The following DCC variants were observed in gnomAD, a reference collection of about 807,000 sequenced individuals.
DCC encodes netrin receptor DCC.
In DCC, 58 loss-of-function variants were observed where a neutral mutation model predicts 172.5. The observed-to-expected ratio is 0.34, with a 90% CI of 0.27 to 0.42. The LOEUF (loss-of-function observed/expected upper bound fraction) is 0.42, where lower values mean the gene tolerates loss of function less well. Ranked by LOEUF, DCC falls within the 10% of genes least tolerant of loss-of-function variation. The pLI, the probability that DCC is intolerant of heterozygous loss-of-function variation, is 1.00. For missense variants in DCC, 1,740 were observed against 1,791.0 expected, an observed-to-expected ratio of 0.97 and a Z score of 0.51; for synonymous variants, 709 against 644.5, an observed-to-expected ratio of 1.10 and a Z score of -1.52.
chr18:53,356,452 T>C (rs962862839), intron 15 of DCC, among the ~76,000 whole-genome samples: 1 of 152,218 alleles, frequency 6.6e-6, no homozygotes, highest in African/African-American at 2.4e-5. Flanking sequence ...TAACATGCAG[T>C]TATGTTACTT....
chr18:53,528,796 T>C (rs549585602), intron 28 of DCC, among the ~76,000 whole-genome samples: 1 of 152,198 alleles, frequency 6.6e-6, no homozygotes, highest in South Asian at 2.1e-4. Flanking sequence ...TGTATTTTAC[T>C]TTTTTTGTAC....
At chr18:52,917,785 C>A (rs2040063133) in intron 3 of DCC, among the ~76,000 whole-genome samples, 1 of 152,082 alleles carries the variant, frequency 6.6e-6, no homozygotes, top group Non-Finnish European at 1.5e-5. Context: ...ACAAACAGAC[C>A]AGTTCAAAGA....
At chr18:53,274,965 T>C (rs2056789293) in intron 12 of DCC, among the ~76,000 whole-genome samples, 1 of 152,182 alleles carries the variant, frequency 6.6e-6, no homozygotes, top group Non-Finnish European at 1.5e-5. Flanking sequence ...AGGGCATATG[T>C]ATTTGTTTCA....
At chr18:52,884,461 A>T (rs578157255) in intron 2 of DCC, among the ~76,000 whole-genome samples, 29 of 151,870 alleles carry the variant, frequency 1.9e-4, no homozygotes, top group African/African-American at 6.8e-4. Flanking sequence ...CTTCTGCTCA[A>T]TCAGTTTTGC....
At chr18:52,788,151 A>G (rs1191757243) in intron 2 of DCC, among the ~76,000 whole-genome samples, 2 of 152,172 alleles carry the variant, frequency 1.3e-5, no homozygotes, top group African/African-American at 4.8e-5. Flanking sequence ...CACAACTTAA[A>G]TGTGTTTAGC....
intron 1 of DCC, among the ~76,000 whole-genome samples, chr18:52,688,459 A>G (rs2035876930): frequency 6.6e-6 from 1 of 152,130 alleles, no homozygotes; most frequent in Admixed American, 6.6e-5. Flanking sequence ...AGGCTCTTTC[A>G]GGTCTTTTAT....
intron 12 of DCC, among the ~76,000 whole-genome samples, chr18:53,216,249 G>A (rs1490985245): frequency 6.6e-6 from 1 of 152,142 alleles, no homozygotes; most frequent in Admixed American, 6.6e-5. Flanking sequence ...TTGGAAATAA[G>A]CCAAGGCCAC....
intron 8 of DCC, among the ~76,000 whole-genome samples, chr18:53,169,949 A>G (rs1435235452): frequency 1.3e-5 from 2 of 152,130 alleles, no homozygotes; most frequent in South Asian, 4.1e-4. Flanking sequence ...ATCCCACATA[A>G]TAAACTGCCC....
intron 15 of DCC, among the ~76,000 whole-genome samples, chr18:53,353,014 A>T (rs1366240492): frequency 6.6e-6 from 1 of 151,902 alleles, no homozygotes; most frequent in Admixed American, 6.6e-5. Flanking sequence ...GGTTGTTATT[A>T]CATTTAAAGT....
chr18:52,898,218 C>T (rs1231736309), intron 2 of DCC, among the ~76,000 whole-genome samples: 1 of 152,154 alleles, frequency 6.6e-6, no homozygotes, highest in African/African-American at 2.4e-5. Context: ...ATTGATAAGT[C>T]TCTTTTTATT....
intron 2 of DCC, among the ~76,000 whole-genome samples, chr18:52,841,765 A>G (rs549982019): frequency 2.8e-4 from 43 of 152,226 alleles, no homozygotes; most frequent in African/African-American, 1.0e-3. Flanking sequence ...GCCTCTGTCA[A>G]TCACTCGTTT....
At chr18:52,901,780 A>G (rs781158135) in intron 2 of DCC, among the ~76,000 whole-genome samples, 16 of 152,240 alleles carry the variant, frequency 1.1e-4, no homozygotes, top group Non-Finnish European at 1.5e-4. Context: ...TTAGAGTCAC[A>G]TAGAACCTCA....
chr18:53,271,597 T>A (rs559350956), intron 12 of DCC, among the ~76,000 whole-genome samples: 1 of 152,252 alleles, frequency 6.6e-6, no homozygotes, highest in South Asian at 2.1e-4. Flanking sequence ...CATGGACCTC[T>A]CCATAGGGCA....
intron 19 of DCC, among the ~76,000 whole-genome samples, chr18:53,404,588 G>A (rs542808721): frequency 7.9e-5 from 12 of 151,862 alleles, no homozygotes; most frequent in African/African-American, 2.7e-4. Flanking sequence ...AAAATTAGCC[G>A]GGCGTGGTGG....
At chr18:53,479,687 G>C (rs753227872) in intron 25 of DCC, among the ~76,000 whole-genome samples, 46 of 152,098 alleles carry the variant, frequency 3.0e-4, no homozygotes, top group Non-Finnish European at 5.3e-4. Flanking sequence ...CAAAGGGTTG[G>C]TGAAAGTAAA....
intron 5 of DCC, among the ~76,000 whole-genome samples, chr18:53,046,694 T>C: frequency 6.6e-6 from 1 of 151,950 alleles, no homozygotes; most frequent in East Asian, 1.9e-4. Context: ...CAGATTACAG[T>C]TCAAACTTCT....
intron 1 of DCC, among the ~76,000 whole-genome samples, chr18:52,565,129 A>G (rs2033129303): frequency 6.6e-6 from 1 of 152,098 alleles, no homozygotes; most frequent in Non-Finnish European, 1.5e-5. Flanking sequence ...ACTGGATTCT[A>G]TGTACTTTTA....
At chr18:53,257,778 A>G (rs2056540675) in intron 12 of DCC, among the ~76,000 whole-genome samples, 1 of 152,188 alleles carries the variant, frequency 6.6e-6, no homozygotes, top group African/African-American at 2.4e-5. Context: ...ATAATTTCAG[A>G]AGGAATGGTA....
At chr18:52,387,169 G>C (rs192297104) in intron 1 of DCC, among the ~76,000 whole-genome samples, 1 of 152,142 alleles carries the variant, frequency 6.6e-6, no homozygotes, top group Middle Eastern at 3.2e-3. Flanking sequence ...TATTGATCAT[G>C]TTCTTTGCTT....
Sources: gnomAD v4.1 joint callset for allele counts (sites outside exome capture counted in the v4.1 genomes callset) on GRCh38, gnomAD v4.1.1 for gene constraint, MANE v1.5 for transcripts, NCBI Gene and HGNC (gene_info 2026-07-23, HGNC 2026-07-21) for gene names.